DNAJC15: variants seen among roughly 807,000 people sequenced by gnomAD.
The protein encoded by DNAJC15 is dnaJ homolog subfamily C member 15.
A neutral mutation model predicts 22.4 loss-of-function variants in DNAJC15; 27 were observed. The observed-to-expected ratio is 1.20, with a 90% CI of 0.89 to 1.66. DNAJC15 has a LOEUF of 1.66. Ranked by LOEUF, DNAJC15 falls within the 40% of genes most tolerant of loss-of-function variation. The probability of loss-of-function intolerance (pLI) is 0.00; values close to 1 mark genes in which losing one functional copy is unlikely to be tolerated. For missense variants in DNAJC15, 208 were observed against 187.1 expected (o/e 1.11, Z -0.65); for synonymous variants, 79 against 63.2 (o/e 1.25, Z -1.19).
At chr13:43,025,166 T>C (rs1593305936) in intron 1 of DNAJC15, among the ~76,000 whole-genome samples, 1 of 152,180 alleles carries the variant, frequency 6.6e-6, no homozygotes, top group Non-Finnish European at 1.5e-5. Flanking sequence ...TGCTACACTT[T>C]TTCCCTTATG....
intron 1 of DNAJC15, among the ~76,000 whole-genome samples, chr13:43,034,583 A>G (rs7328192): frequency 0.019 from 2,839 of 151,316 alleles, 49 homozygotes; most frequent in African/African-American, 0.052. Flanking sequence ...CCAAAGTGCT[A>G]GGATTACAGG....
chr13:43,056,813 G>T (rs1425657769), intron 1 of DNAJC15, among the ~76,000 whole-genome samples: 2 of 152,092 alleles, frequency 1.3e-5, no homozygotes, highest in African/African-American at 2.4e-5. Flanking sequence ...TGTTTTGTCT[G>T]TTGTAAGAAC....
intron 1 of DNAJC15, among the ~76,000 whole-genome samples, chr13:43,025,641 G>A (rs1422847591): frequency 2.0e-5 from 3 of 152,110 alleles, no homozygotes; most frequent in Admixed American, 6.5e-5. Context: ...GCGGTGTCTC[G>A]CTCCTATAAT....
chr13:43,084,955 C>T (rs2040680372), intron 4 of DNAJC15, among the ~76,000 whole-genome samples: 1 of 152,160 alleles, frequency 6.6e-6, no homozygotes, highest in Non-Finnish European at 1.5e-5. Context: ...TAGGCATTAA[C>T]TCATTTAATC....
At chr13:43,077,919 T>C (rs1278065266) in intron 3 of DNAJC15, among the ~76,000 whole-genome samples, 1 of 152,244 alleles carries the variant, frequency 6.6e-6, no homozygotes. Context: ...ATTATTGTTA[T>C]GTTTTCTGAA....
chr13:43,026,207 T>TA (rs1209443514), intron 1 of DNAJC15, among the ~76,000 whole-genome samples: 3 of 152,202 alleles, frequency 2.0e-5, no homozygotes, highest in Non-Finnish European at 2.9e-5. Context: ...CACTTGCACT[T>TA]ATGGAAGATT....
intron 4 of DNAJC15, among the ~76,000 whole-genome samples, chr13:43,079,663 T>C (rs2040652668): frequency 1.3e-5 from 2 of 152,190 alleles, no homozygotes; most frequent in Admixed American, 1.3e-4. Context: ...CCTGAACTTT[T>C]ATTGGCCTCC....
intron 3 of DNAJC15, among the ~76,000 whole-genome samples, chr13:43,077,288 G>T (rs1243583925): frequency 6.6e-6 from 1 of 152,182 alleles, no homozygotes; most frequent in Non-Finnish European, 1.5e-5. Flanking sequence ...GCACAGCTTG[G>T]GTTCTCTGGA....
rs539352385 is a variant in DNAJC15, at chr13:43,054,609, TAGTTCTACCTTGTTTA to T, written c.109-11075_109-11060del. 8.9e-4 allele frequency among the ~76,000 whole-genome samples: 135 copies of T among 152,318 alleles called. 1 individual carries two copies. The highest frequency in any genetic ancestry group is 3.1e-3 in the African/African-American group (127 of 41,570). On this transcript the variant is annotated intron_variant, in intron 1 of 5. Coordinates refer to ENST00000379221, the MANE Select transcript of DNAJC15 (RefSeq NM_013238.3). ...TTGTTATTGGTATGTTCTGAGTTTC[TAGTTCTACCTTGTTTA>T]ATCTTGGAGGGTTGTATATTTCCTG...
intron 3 of DNAJC15, among the ~76,000 whole-genome samples, chr13:43,071,006 A>G (rs1284751353): frequency 6.6e-6 from 1 of 152,226 alleles, no homozygotes; most frequent in Non-Finnish European, 1.5e-5. Context: ...TTCTATTTAT[A>G]TATTTCCATA....
At chr13:43,034,803 GT>G (rs1329868736) in intron 1 of DNAJC15, among the ~76,000 whole-genome samples, 1 of 151,874 alleles carries the variant, frequency 6.6e-6, no homozygotes, top group Non-Finnish European at 1.5e-5. Flanking sequence ...CGTTGTGGGG[GT>G]TTTTTTGAGC....
chr13:43,049,530 T>C (rs2040493390), intron 1 of DNAJC15, among the ~76,000 whole-genome samples: 1 of 152,236 alleles, frequency 6.6e-6, no homozygotes, highest in Admixed American at 6.5e-5. Flanking sequence ...TGGAATTATC[T>C]GATATTTACA....
At chr13:43,052,139 A>AT (rs1056997346) in intron 1 of DNAJC15, among the ~76,000 whole-genome samples, 1 of 151,480 alleles carries the variant, frequency 6.6e-6, no homozygotes, top group African/African-American at 2.4e-5. Flanking sequence ...TAATTTTTGT[A>AT]TTTTTAGTAG....
At chr13:43,037,895 A>G (rs1331673260) in intron 1 of DNAJC15, among the ~76,000 whole-genome samples, 1 of 152,216 alleles carries the variant, frequency 6.6e-6, no homozygotes, top group African/African-American at 2.4e-5. Flanking sequence ...TCTAAAGTCT[A>G]ATGATCCCAA....
chr13:43,104,190 C>A (rs1350716962), intron 5 of DNAJC15, among the ~76,000 whole-genome samples: 1 of 152,144 alleles, frequency 6.6e-6, no homozygotes, highest in Non-Finnish European at 1.5e-5. Context: ...CTTTTTGCCC[C>A]TTCCCATTGC....
chr13:43,081,123 A>T (rs2040659725), intron 4 of DNAJC15, among the ~76,000 whole-genome samples: 3 of 152,196 alleles, frequency 2.0e-5, no homozygotes, highest in African/African-American at 7.2e-5. Flanking sequence ...TCTTTGCCTT[A>T]TGTTTTTCCT....
intron 5 of DNAJC15, among the ~76,000 whole-genome samples, chr13:43,094,909 C>T (rs2153441998): frequency 6.8e-6 from 1 of 147,238 alleles, no homozygotes; most frequent in East Asian, 2.4e-4. Flanking sequence ...GTCATTTTAC[C>T]TCTAAATTTC....
At chr13:43,100,806 T>C (rs1056386643) in intron 5 of DNAJC15, among the ~76,000 whole-genome samples, 1 of 152,240 alleles carries the variant, frequency 6.6e-6, no homozygotes, top group African/African-American at 2.4e-5. Context: ...AAGTCTTCTG[T>C]TTCCTTGTTG....
chr13:43,101,040 A>G (rs1322867663), intron 5 of DNAJC15, among the ~76,000 whole-genome samples: 1 of 152,092 alleles, frequency 6.6e-6, no homozygotes, highest in Non-Finnish European at 1.5e-5. Flanking sequence ...TTGGTTTCAA[A>G]GTTTACTTTG....
Sources: gnomAD v4.1 joint callset for allele counts (sites outside exome capture counted in the v4.1 genomes callset) on GRCh38, gnomAD v4.1.1 for gene constraint, MANE v1.5 for transcripts, NCBI Gene and HGNC (gene_info 2026-07-23, HGNC 2026-07-21) for gene names.